ROBO1: variants seen among roughly 807,000 people sequenced by gnomAD.
ROBO1 encodes the protein roundabout guidance receptor 1.
ROBO1 carries 149 observed loss-of-function variants against 195.9 expected under a neutral mutation model. That is an observed-to-expected ratio of 0.76 (90% CI 0.67 to 0.87). ROBO1 has a LOEUF of 0.87. ROBO1 is among the 40% of genes least tolerant of loss of function. The probability of loss-of-function intolerance (pLI) is 0.00; values close to 1 mark genes in which losing one functional copy is unlikely to be tolerated. For synonymous variants in ROBO1, 816 were observed against 733.2 expected, an observed-to-expected ratio of 1.11 and a Z score of -1.82; for missense variants, 1,933 against 2,068.3, an observed-to-expected ratio of 0.93 and a Z score of 1.27.
At chr3:78,834,954 A>AG (rs1410307750) in intron 4 of ROBO1, among the ~76,000 whole-genome samples, 3 of 152,210 alleles carry the variant, frequency 2.0e-5, no homozygotes, top group Admixed American at 1.3e-4. Context: ...GAAATTAAAA[A>AG]GTGTAGAGTC....
At chr3:78,978,870 A>G (rs900018469) in intron 3 of ROBO1, among the ~76,000 whole-genome samples, 33 of 152,212 alleles carry the variant, frequency 2.2e-4, no homozygotes, top group African/African-American at 8.0e-4. Context: ...AGATACAGCT[A>G]GAAATCTATT....
At chr3:78,978,164 C>T (rs1221902850) in intron 3 of ROBO1, among the ~76,000 whole-genome samples, 2 of 151,742 alleles carry the variant, frequency 1.3e-5, no homozygotes, top group African/African-American at 2.4e-5. Context: ...CAGATTTACA[C>T]ATTATAAATG....
Position 78,606,893 on chromosome 3 carries a change from A to G in ROBO1, c.4584T>C (p.Ser1528=), listed in dbSNP as rs1184395609. The part of the protein sequence containing the change: ...TDRSSDRKGS[S]YKGREVLDGR... ...CATCCAACACTTCTCTCCCCTTGTA[A>G]CTGCTTCCTTTTCTGTCTGATGATC... The change falls in exon 29 of 31, where the codon AGT becomes AGC. Residue 1528 remains serine, a synonymous_variant. Coordinates refer to ENST00000464233, the MANE Select transcript of ROBO1 (RefSeq NM_002941.4). The G allele has an allele frequency of 6.2e-7, 1 of 1,613,704 alleles. No homozygotes were observed.
At chr3:79,483,379 G>A (rs1938972158) in intron 2 of ROBO1, among the ~76,000 whole-genome samples, 1 of 152,194 alleles carries the variant, frequency 6.6e-6, no homozygotes, top group Admixed American at 6.5e-5. Flanking sequence ...CTTGCTTTGG[G>A]AAAAGCTGAA....
intron 8 of ROBO1, among the ~76,000 whole-genome samples, chr3:78,696,156 T>C (rs1269165939): frequency 2.0e-5 from 3 of 149,596 alleles, no homozygotes; most frequent in Non-Finnish European, 4.4e-5. Flanking sequence ...CAGAGTAACT[T>C]GGAACCTGTT....
At chr3:79,427,067 C>G (rs1286169288) in intron 2 of ROBO1, among the ~76,000 whole-genome samples, 2 of 152,148 alleles carry the variant, frequency 1.3e-5, no homozygotes, top group South Asian at 2.1e-4. Flanking sequence ...GTATTGGAGA[C>G]TGACTCTTTC....
At chr3:79,163,201 C>A (rs1335124795) in intron 2 of ROBO1, among the ~76,000 whole-genome samples, 1 of 152,060 alleles carries the variant, frequency 6.6e-6, no homozygotes, top group Non-Finnish European at 1.5e-5. Flanking sequence ...CAGTTCCTGG[C>A]AACCACAATT....
rs562519591 is a variant in ROBO1, at chr3:78,785,418, A to G, written c.500-38518T>C. Among the ~76,000 whole-genome samples the G allele has an allele frequency of 3.9e-5, 6 of 152,280 alleles. No homozygotes were observed. The South Asian group carries it at 1.2e-3, about 32-fold the overall frequency. The stretch of plus-strand genomic sequence containing the variant: ...TACTACCTACCCATACAAAATCGCT[A>G]TCATTTATTATTTTACTGCTTCACT... On this transcript the variant is annotated intron_variant, in intron 4 of 30. Coordinates refer to ENST00000464233, the MANE Select transcript of ROBO1 (RefSeq NM_002941.4).
chr3:79,539,738 A>G (rs368354720), intron 2 of ROBO1, among the ~76,000 whole-genome samples: 2 of 152,108 alleles, frequency 1.3e-5, no homozygotes, highest in Non-Finnish European at 2.9e-5. Context: ...TTTTCATCCA[A>G]CATTACAGAG....
At chr3:79,255,030 G>A (rs529571474) in intron 2 of ROBO1, among the ~76,000 whole-genome samples, 130 of 152,212 alleles carry the variant, frequency 8.5e-4, no homozygotes, top group Non-Finnish European at 1.7e-3. Flanking sequence ...CTTTCAAATA[G>A]AAGTTGAAAA....
At chr3:79,313,605 T>G (rs2033592146) in intron 2 of ROBO1, among the ~76,000 whole-genome samples, 1 of 152,202 alleles carries the variant, frequency 6.6e-6, no homozygotes, top group Non-Finnish European at 1.5e-5. Flanking sequence ...GATTATATAT[T>G]GATCTTTCAA....
intron 2 of ROBO1, among the ~76,000 whole-genome samples, chr3:79,520,839 CAAA>C (rs796691319): frequency 8.0e-6 from 1 of 125,754 alleles, no homozygotes; most frequent in Non-Finnish European, 1.8e-5. Flanking sequence ...AAACCAGAGC[CAAA>C]AAAAAAAACA....
At chr3:79,412,484 A>G (rs1322995952) in intron 2 of ROBO1, among the ~76,000 whole-genome samples, 1 of 152,172 alleles carries the variant, frequency 6.6e-6, no homozygotes, top group Non-Finnish European at 1.5e-5. Flanking sequence ...TGGCACTGCA[A>G]ACACACCTCA....
intron 10 of ROBO1, among the ~76,000 whole-genome samples, chr3:78,674,570 G>A (rs1708279728): frequency 6.6e-6 from 1 of 152,140 alleles, no homozygotes; most frequent in Non-Finnish European, 1.5e-5. Context: ...ACCTTAAAAC[G>A]CCCAGAGTTT....
At chr3:79,636,381 A>G (rs1945496824) in intron 1 of ROBO1, among the ~76,000 whole-genome samples, 2 of 152,136 alleles carry the variant, frequency 1.3e-5, no homozygotes, top group Admixed American at 6.6e-5. Context: ...GCTGGAAAAA[A>G]CTTGCATTGA....
At chr3:79,620,602 C>T (rs182469944) in intron 1 of ROBO1, among the ~76,000 whole-genome samples, 20 of 152,130 alleles carry the variant, frequency 1.3e-4, no homozygotes, top group Admixed American at 5.9e-4. Context: ...ATCTGCTTCC[C>T]AGACTATTCC....
intron 24 of ROBO1, 146 bp from the exon 25 acceptor site, chr3:78,631,451 G>A: frequency 1.0e-6 from 1 of 965,768 alleles, no homozygotes; most frequent in Non-Finnish European, 1.5e-6. Flanking sequence ...ATTTTAAACA[G>A]AACTTTGTAC....
intron 2 of ROBO1, among the ~76,000 whole-genome samples, chr3:79,365,008 C>T (rs1465495172): frequency 1.3e-5 from 2 of 152,150 alleles, no homozygotes; most frequent in Admixed American, 6.5e-5. Context: ...TCTGAAAGAG[C>T]ATGTTTAATC....
chr3:79,533,814 T>C (rs761939005), intron 2 of ROBO1, among the ~76,000 whole-genome samples: 15 of 152,132 alleles, frequency 9.9e-5, no homozygotes, highest in South Asian at 4.1e-4. Context: ...CAATGTGTAA[T>C]AGAGGCTTTG....
Sources: allele counts gnomAD v4.1 joint callset (sites outside exome capture counted in the v4.1 genomes callset), GRCh38; gene constraint gnomAD v4.1.1; transcripts MANE v1.5; gene names NCBI Gene and HGNC (gene_info 2026-07-23, HGNC 2026-07-21).